CCDC169: variants seen among roughly 807,000 people sequenced by gnomAD.
CCDC169 encodes coiled-coil domain-containing protein 169.
A neutral mutation model predicts 36.0 loss-of-function variants in CCDC169; 30 were observed. The ratio of observed to expected loss-of-function variants is 0.83; its 90% confidence interval spans 0.62 to 1.13. The LOEUF (loss-of-function observed/expected upper bound fraction) is 1.13, where lower values mean the gene tolerates loss of function less well. Among genes scored for constraint, CCDC169 ranks in the 50% most tolerant of loss-of-function variants. The probability of loss-of-function intolerance (pLI) is 0.00; values close to 1 mark genes in which losing one functional copy is unlikely to be tolerated. For synonymous variants in CCDC169, 85 were observed against 81.5 expected, an observed-to-expected ratio of 1.04 and a Z score of -0.23; for missense variants, 245 against 245.9, an observed-to-expected ratio of 1.00 and a Z score of 0.03.
At chr13:36,227,147 A>G, downstream of CCDC169, 1 of 1,186,684 alleles carries the variant, frequency 8.4e-7, no homozygotes, top group South Asian at 1.9e-5. Context: ...GCTTAAAGAA[A>G]TACATGTGAG....
At chr13:36,247,384 T>C (rs1483920438) in intron 7 of CCDC169, among the ~76,000 whole-genome samples, 1 of 152,200 alleles carries the variant, frequency 6.6e-6, no homozygotes, top group Non-Finnish European at 1.5e-5. Context: ...CATAAGTTTA[T>C]ACCTGCCATA....
intron 7 of CCDC169, among the ~76,000 whole-genome samples, chr13:36,236,252 C>G (rs1254126373): frequency 6.6e-6 from 1 of 152,000 alleles, no homozygotes; most frequent in Non-Finnish European, 1.5e-5. Context: ...ATTTTAAACT[C>G]ACTAAAAAGT....
chr13:36,240,725 T>G, intron 7 of CCDC169: 2 of 777,948 alleles, frequency 2.6e-6, no homozygotes, highest in Non-Finnish European at 3.6e-6. Flanking sequence ...AACTTTAGTT[T>G]TCTATTTTTA....
chr13:36,261,615 C>T (rs910777234), intron 4 of CCDC169, among the ~76,000 whole-genome samples: 3 of 152,290 alleles, frequency 2.0e-5, no homozygotes. Context: ...GGACACTCAA[C>T]TGGTTGATAT....
At chr13:36,243,535 G>A (rs903364219) in intron 7 of CCDC169, among the ~76,000 whole-genome samples, 1 of 147,726 alleles carries the variant, frequency 6.8e-6, no homozygotes, top group African/African-American at 2.5e-5. Flanking sequence ...GGCCAGGCAC[G>A]GTGGCTCATG....
At chr13:36,293,356 C>A (rs1879130241) in intron 2 of CCDC169, among the ~76,000 whole-genome samples, 1 of 152,134 alleles carries the variant, frequency 6.6e-6, no homozygotes, top group Admixed American at 6.5e-5. Flanking sequence ...TTAGCATATT[C>A]CCCAAATGGC....
At chr13:36,241,990 C>T (rs533147804) in intron 7 of CCDC169, among the ~76,000 whole-genome samples, 1 of 152,216 alleles carries the variant, frequency 6.6e-6, no homozygotes, top group East Asian at 1.9e-4. Flanking sequence ...CCCATTCACT[C>T]TCTCTTCTGC....
At chr13:36,261,749 G>A (rs975949854) in intron 4 of CCDC169, among the ~76,000 whole-genome samples, 4 of 152,186 alleles carry the variant, frequency 2.6e-5, no homozygotes, top group African/African-American at 9.6e-5. Flanking sequence ...ACATGTGCCT[G>A]TTCCGTAGGA....
chr13:36,261,188 A>C (rs1034488209), intron 4 of CCDC169, among the ~76,000 whole-genome samples: 21 of 152,306 alleles, frequency 1.4e-4, no homozygotes, highest in Middle Eastern at 3.4e-3. Context: ...TGGTCACCCC[A>C]GTGGGTGGAC....
chr13:36,227,471 T>G (rs1447717839), downstream of CCDC169: 3 of 1,302,944 alleles, frequency 2.3e-6, no homozygotes, highest in Admixed American at 3.3e-5. Context: ...GTTTATTGTA[T>G]TTTTACACAC....
At chr13:36,226,688 C>T (rs1458127770), downstream of CCDC169, 2 of 155,592 alleles carry the variant, frequency 1.3e-5, no homozygotes, top group African/African-American at 4.8e-5. Flanking sequence ...CAAATTAACA[C>T]AGAAGCAGGA....
At chr13:36,259,944 C>G (rs1874410559) in intron 4 of CCDC169, among the ~76,000 whole-genome samples, 1 of 152,210 alleles carries the variant, frequency 6.6e-6, no homozygotes, top group African/African-American at 2.4e-5. Context: ...CTGCCTGAGG[C>G]AGGTGGGCAG....
chr13:36,224,187 TA>T (rs1310873061), downstream of CCDC169: 1 of 152,174 alleles, frequency 6.6e-6, no homozygotes, highest in Non-Finnish European at 1.5e-5. Flanking sequence ...AATTAGCATG[TA>T]ATGCTCTCAT....
At chr13:36,271,140 T>C (rs2138558301) in intron 4 of CCDC169, among the ~76,000 whole-genome samples, 1 of 152,108 alleles carries the variant, frequency 6.6e-6, no homozygotes, top group Admixed American at 6.5e-5. Flanking sequence ...GATATACAAA[T>C]GGCCAACAAA....
intron 2 of CCDC169, among the ~76,000 whole-genome samples, chr13:36,293,843 A>C (rs1375004360): frequency 6.6e-6 from 1 of 152,138 alleles, no homozygotes; most frequent in Non-Finnish European, 1.5e-5. Context: ...CAGAATTATA[A>C]GAGTTTGTTG....
At chr13:36,276,105 T>A (rs1876780427) in intron 4 of CCDC169, among the ~76,000 whole-genome samples, 1 of 152,202 alleles carries the variant, frequency 6.6e-6, no homozygotes, top group South Asian at 2.1e-4. Flanking sequence ...CTGAAGGGAA[T>A]ATAGACAAAC....
At chr13:36,227,184 G>A, downstream of CCDC169, 1 of 1,467,230 alleles carries the variant, frequency 6.8e-7, no homozygotes. Context: ...TGGTGCACAT[G>A]TCTGAGTATT....
At chr13:36,234,191 C>T (rs1434840777) in intron 7 of CCDC169, among the ~76,000 whole-genome samples, 1 of 152,148 alleles carries the variant, frequency 6.6e-6, no homozygotes, top group African/African-American at 2.4e-5. Flanking sequence ...GTTGGGTCTT[C>T]ATTCTGAAGA....
chr13:36,248,902 T>TAA (rs34674995), intron 6 of CCDC169, among the ~76,000 whole-genome samples: 254 of 150,318 alleles, frequency 1.7e-3, no homozygotes, highest in African/African-American at 4.5e-3. Context: ...CCATGTGACT[T>TAA]AAAAAAAAAA....
Sources: gnomAD v4.1 joint callset for allele counts (sites outside exome capture counted in the v4.1 genomes callset) on GRCh38, gnomAD v4.1.1 for gene constraint, MANE v1.5 for transcripts, NCBI Gene and HGNC (gene_info 2026-07-23, HGNC 2026-07-21) for gene names.